The following MAB21L4 variants were observed in gnomAD, a reference collection of about 807,000 sequenced individuals.
MAB21L4 encodes the protein protein mab-21-like 4.
MAB21L4 carries 25 observed loss-of-function variants against 32.4 expected under a neutral mutation model. That is an observed-to-expected ratio of 0.77 (90% CI 0.56 to 1.08). The LOEUF (loss-of-function observed/expected upper bound fraction) is 1.08. Ranked by LOEUF, MAB21L4 falls within the 50% of genes least tolerant of loss-of-function variation. The probability of loss-of-function intolerance (pLI) is 0.00; values close to 1 mark genes in which losing one functional copy is unlikely to be tolerated. For synonymous variants in MAB21L4, 280 were observed against 276.8 expected, an observed-to-expected ratio of 1.01 and a Z score of -0.11; for missense variants, 638 against 611.0, an observed-to-expected ratio of 1.04 and a Z score of -0.47.
chr2:240,895,203 C>T (rs1034844541), intron 1 of MAB21L4, among the ~76,000 whole-genome samples: 8 of 152,350 alleles, frequency 5.3e-5, no homozygotes, highest in African/African-American at 1.7e-4. Context: ...CAAACACACA[C>T]GACACGGAAC....
intron 1 of MAB21L4, among the ~76,000 whole-genome samples, chr2:240,893,749 G>A (rs946727236): frequency 4.6e-5 from 7 of 152,236 alleles, no homozygotes; most frequent in African/African-American, 1.7e-4. Flanking sequence ...CACTCTGGGG[G>A]CGTGAGGAGC....
At chr2:240,895,318 G>A (rs1012460293) in intron 1 of MAB21L4, among the ~76,000 whole-genome samples, 166 bp downstream of exon 1, 2 of 152,190 alleles carry the variant, frequency 1.3e-5, no homozygotes, top group Non-Finnish European at 2.9e-5. Context: ...TGTCACACAC[G>A]TGCACACATG....
At chr2:240,889,915 G>A (rs2059128859) in intron 3 of MAB21L4, 90 bp downstream of exon 3, 10 of 1,434,016 alleles carry the variant, frequency 7.0e-6, no homozygotes, top group Non-Finnish European at 9.4e-6. Context: ...GCAGCTGCCT[G>A]CCAGTCAGGG....
chr2:240,894,487 C>T (rs1461915688), intron 1 of MAB21L4, among the ~76,000 whole-genome samples: 1 of 152,166 alleles, frequency 6.6e-6, no homozygotes, highest in Non-Finnish European at 1.5e-5. Flanking sequence ...TGGGCTCAGA[C>T]TCACCCTGGA....
At position 240,886,352 on chromosome 2, in the gene MAB21L4, T is replaced by G. The variant is rs572765552; in HGVS notation, c.*718A>C. The G allele has an allele frequency of 6.6e-6, 1 of 152,240 alleles. No homozygotes were observed. Among genetic ancestry groups the G allele is most frequent in the Admixed American group, 6.5e-5 (1 of 15,292 alleles). The allele number at this position is 152,240 out of a possible 1,614,324, so 9.4% of individuals were successfully genotyped here. On this transcript the variant is annotated 3_prime_UTR_variant, in exon 5 of 5. Coordinates refer to ENST00000388934, the MANE Select transcript of MAB21L4 (RefSeq NM_001085437.3). ...GGGGATTACAAGTCTACCTGAGACT[T>G]GGGTGGGGACACAGATCCAATTCTA...
intron 3 of MAB21L4, 27 bp from the exon 4 acceptor site, chr2:240,888,675 C>T: frequency 2.1e-6 from 3 of 1,461,582 alleles, no homozygotes; most frequent in South Asian, 1.4e-5. Context: ...TCAGCCCTGG[C>T]CTCCTGGCCC....
rs768487561 is a variant in MAB21L4 at position 240,891,674 on chromosome 2, C to A, written c.604G>T (p.Val202Leu). The A allele has an allele frequency of 6.2e-7, 1 of 1,609,406 alleles. No individual in the cohort carries two copies. The change falls in exon 2 of 5, where the codon GTG (valine) becomes TTG (leucine). Residue 202 changes from valine (V) to leucine (L), a missense_variant. Transcript: ENST00000388934. ...CCAAGCTTCCTTCTCACCACGGGCA[C>A]CACGTGGAAGCTGATTGTTCTCCAG... Reference protein sequence around the residue: ...SGWRTISFHVVPVVRRKLGAP... With the variant: ...SGWRTISFHVLPVVRRKLGAP...
At chr2:240,887,590 G>C (rs2059106731) in intron 4 of MAB21L4, among the ~76,000 whole-genome samples, 1 of 152,290 alleles carries the variant, frequency 6.6e-6, no homozygotes, top group East Asian at 1.9e-4. Context: ...ACAGGCGGAA[G>C]TTTGCTAAAT....
In MAB21L4 at chr2:240,888,716, C is replaced by A. The variant is rs554066041; in HGVS notation, c.895-68G>T. Reference sequence around the variant, plus strand: ...GCCCACCCTGTGCTCCCACCCTGCGCTCCCACCCTCACCCTGGCTGCCCCT... The same window carrying A: ...GCCCACCCTGTGCTCCCACCCTGCGATCCCACCCTCACCCTGGCTGCCCCT... On this transcript the variant is annotated intron_variant, in intron 3 of 4. Coordinates refer to ENST00000388934, the MANE Select transcript of MAB21L4 (RefSeq NM_001085437.3). The A allele has an allele frequency of 6.0e-6, 7 of 1,174,654 alleles. No homozygotes were observed. The South Asian group carries it at 1.2e-4, about 20-fold the overall frequency. 72.8% of individuals were successfully genotyped at this position (1,174,654 alleles called of 1,614,324 possible).
chr2:240,887,231 G>A (rs765623120), intron 4 of MAB21L4, 69 bp from the exon 5 acceptor site: 79 of 1,319,814 alleles, frequency 6.0e-5, no homozygotes, highest in Non-Finnish European at 7.9e-5. Flanking sequence ...TCTCAGGGCC[G>A]AGAGCACAGC....
At chr2:240,892,157 C>A in intron 1 of MAB21L4, 1 of 959,534 alleles carries the variant, frequency 1.0e-6, no homozygotes, top group Non-Finnish European at 1.5e-6. Context: ...TGCCCCAGCC[C>A]TGGGGCCAAA....
chr2:240,890,374 C>T (rs867643569), intron 2 of MAB21L4, among the ~76,000 whole-genome samples: 4 of 152,204 alleles, frequency 2.6e-5, no homozygotes, highest in Non-Finnish European at 5.9e-5. Flanking sequence ...GCCCTGAATA[C>T]GGAGGGATGT....
At position 240,895,868 on chromosome 2, in the gene MAB21L4, G is replaced by A. The variant is rs774196760; in HGVS notation, c.130C>T (p.Leu44Phe). 1.0e-5 allele frequency: 16 copies of A among 1,556,878 alleles called. No homozygotes were observed. The highest frequency in any genetic ancestry group is 8.2e-5 in the African/African-American group (6 of 73,512). Reference protein sequence around the residue: ...QDFQRAENVLLTVLERVHALD... With the variant: ...QDFQRAENVLFTVLERVHALD... The stretch of plus-strand genomic sequence containing the variant: ...GCATGCACGCGCTCCAGCACCGTGA[G>A]CAGCACGTTCTCTGCGCGCTGGAAG... Residue 44 changes from leucine to phenylalanine, a missense_variant, in exon 1 of 5, where the codon CTC becomes TTC. Physicochemically the swap from Leu to Phe is conservative, Grantham distance 22 (BLOSUM62 0). Transcript: ENST00000388934.
chr2:240,892,105 C>T (rs527384415), intron 1 of MAB21L4: 82 of 1,373,348 alleles, frequency 6.0e-5, no homozygotes, highest in Admixed American at 8.9e-5. Flanking sequence ...CCCAGGACCA[C>T]GCCTGCTGTG....
In MAB21L4 at chr2:240,895,940, G is replaced by C; in HGVS notation, c.58C>G (p.His20Asp). 1 of 1,493,096 alleles carries C rather than the reference G, an allele frequency of 6.7e-7. No individual in the cohort carries two copies. The highest frequency in any genetic ancestry group is 8.9e-7 in the Non-Finnish European group (1 of 1,124,702). The allele number at this position is 1,493,096 out of a possible 1,614,324, so 92.5% of individuals were successfully genotyped here. A position where few individuals can be genotyped will look rare whatever the true frequency, so the allele number is the denominator to read the frequency against. ...CGGGACCGGATGGCCTGCAGGTAGT[G>C]GTGCCACAGGGGCACCTGCACGGCC... ...AMAVQVPLWH[H>D]YLQAIRSREA... The change falls in exon 1 of 5, where the codon CAC becomes GAC. Residue 20 changes from histidine (H) to aspartate (D), a missense_variant. Physicochemically the swap from His to Asp is moderately conservative, Grantham distance 81 (BLOSUM62 -1). Transcript: ENST00000388934.
Position 240,890,160 on chromosome 2 carries a change from T to C in MAB21L4, c.741-2A>G, listed in dbSNP as rs2059131600. ...GTGAGCAGGTAGTCAGTGGAGGTCCTGGGGCCCAGACAGACGCACTGGGTC... is the reference window on the plus strand; with the variant it reads ...GTGAGCAGGTAGTCAGTGGAGGTCCCGGGGCCCAGACAGACGCACTGGGTC... On this transcript the variant is annotated splice_acceptor_variant, in intron 2 of 4. Coordinates refer to ENST00000388934, the MANE Select transcript of MAB21L4 (RefSeq NM_001085437.3). LOFTEE classifies it high-confidence loss of function. 1 of 1,599,988 alleles carries C rather than the reference T, an allele frequency of 6.3e-7. No individual in the cohort carries two copies. The highest frequency in any genetic ancestry group is 8.5e-7 in the Non-Finnish European group (1 of 1,171,076).
rs369436193 is a variant in MAB21L4, at chr2:240,888,459, C to T, written c.1084G>A (p.Val362Met). Reference sequence around the variant, plus strand: ...TCGGGCTGGCTGGCGAAGCCCTCCACGCGCTGGTAGATGGCACCAAGGTCC... The same window carrying T: ...TCGGGCTGGCTGGCGAAGCCCTCCATGCGCTGGTAGATGGCACCAAGGTCC... ...GLDLGAIYQRVEGFASQPEAA... is the reference protein window; with the variant it reads ...GLDLGAIYQRMEGFASQPEAA... The change falls in exon 4 of 5, where the codon GTG becomes ATG. Residue 362 changes from valine to methionine, a missense_variant. By Grantham distance (21) the Val-to-Met change is conservative (BLOSUM62 1). Transcript: ENST00000388934. 325 of 1,583,766 alleles carry T rather than the reference C, an allele frequency of 2.1e-4. 1 individual carries two copies. The highest frequency in any genetic ancestry group is 2.5e-4 in the Non-Finnish European group (290 of 1,168,068).
At chr2:240,894,567 G>A (rs536895239) in intron 1 of MAB21L4, among the ~76,000 whole-genome samples, 1 of 152,316 alleles carries the variant, frequency 6.6e-6, no homozygotes, top group Non-Finnish European at 1.5e-5. Context: ...CACTTTGAGA[G>A]GCCCAGGTGG....
chr2:240,889,400 G>A (rs1559577024), intron 3 of MAB21L4, among the ~76,000 whole-genome samples: 1 of 152,096 alleles, frequency 6.6e-6, no homozygotes, highest in Non-Finnish European at 1.5e-5. Context: ...GCAGCGCCCG[G>A]CTGGCCACAC....
Sources: allele counts gnomAD v4.1 joint callset (sites outside exome capture counted in the v4.1 genomes callset), GRCh38; gene constraint gnomAD v4.1.1; transcripts MANE v1.5; gene names NCBI Gene and HGNC (gene_info 2026-07-23, HGNC 2026-07-21).